SORCS1: variants seen among roughly 807,000 people sequenced by gnomAD.
The protein encoded by SORCS1 is VPS10 domain-containing receptor SorCS1.
In SORCS1, 60 loss-of-function variants were observed where a neutral mutation model predicts 146.1. The ratio of observed to expected loss-of-function variants is 0.41; its 90% CI spans 0.33 to 0.51. The LOEUF (loss-of-function observed/expected upper bound fraction) is 0.51, where lower values mean the gene tolerates loss of function less well. Among genes scored for constraint, SORCS1 ranks in the 20% least tolerant of loss-of-function variants. The pLI, the probability that SORCS1 is intolerant of heterozygous loss-of-function variation, is 0.21. For missense variants in SORCS1, 1,352 were observed against 1,487.6 expected, an observed-to-expected ratio of 0.91 and a Z score of 1.50; for synonymous variants, 637 against 584.0, an observed-to-expected ratio of 1.09 and a Z score of -1.31.
At chr10:106,637,446 G>A (rs1848795563) in intron 18 of SORCS1, among the ~76,000 whole-genome samples, 2 of 152,164 alleles carry the variant, frequency 1.3e-5, no homozygotes, top group Non-Finnish European at 2.9e-5. Context: ...ACGGAGTATT[G>A]TCAGTCTTCT....
At chr10:106,817,381 A>G (rs1947796028) in intron 3 of SORCS1, among the ~76,000 whole-genome samples, 1 of 152,206 alleles carries the variant, frequency 6.6e-6, no homozygotes, top group African/African-American at 2.4e-5. Context: ...AAAGTAGTAG[A>G]GAAAAAGATG....
intron 2 of SORCS1, among the ~76,000 whole-genome samples, chr10:106,834,137 GC>G: frequency 6.6e-6 from 1 of 152,282 alleles, no homozygotes; most frequent in East Asian, 1.9e-4. Context: ...CTGATTCACA[GC>G]TAAGAGATGC....
At chr10:106,776,899 A>G (rs1860477918) in intron 3 of SORCS1, among the ~76,000 whole-genome samples, 1 of 152,184 alleles carries the variant, frequency 6.6e-6, no homozygotes, top group Non-Finnish European at 1.5e-5. Flanking sequence ...TGAAGGGAGT[A>G]GGAGAAGCTG....
rs1955154288 is a variant in SORCS1, at chr10:106,960,193, A to T, written c.559-3613T>A. Among the ~76,000 whole-genome samples, 1 of 152,128 alleles carries T rather than the reference A, an allele frequency of 6.6e-6. No homozygotes were observed. The highest frequency in any genetic ancestry group is 1.5e-5 in the Non-Finnish European group (1 of 68,026). ...TATGACCCAAATTATCTAAGACTTG[A>T]TAACCTCCACCTATGCCATACCAGG... On this transcript the variant is annotated intron_variant, in intron 1 of 25. Coordinates refer to ENST00000263054, the MANE Select transcript of SORCS1 (RefSeq NM_052918.5). The surrounding 1 kb of genome is among the most constrained non-coding windows in gnomAD (Gnocchi z 4.4).
intron 18 of SORCS1, among the ~76,000 whole-genome samples, chr10:106,650,920 C>T (rs143304417): frequency 8.9e-4 from 136 of 151,992 alleles, no homozygotes; most frequent in African/African-American, 3.1e-3. Context: ...TAAATATATA[C>T]GCATATATTT....
chr10:106,675,681 C>A (rs760271346), intron 13 of SORCS1, among the ~76,000 whole-genome samples: 12 of 152,156 alleles, frequency 7.9e-5, no homozygotes, highest in African/African-American at 2.9e-4. Flanking sequence ...ATTCTTCAGT[C>A]CTGATGGTCA....
chr10:107,167,697 C>G (rs1055004564), upstream of SORCS1, among the ~76,000 whole-genome samples: 5 of 152,012 alleles, frequency 3.3e-5, no homozygotes, highest in Admixed American at 6.6e-5. Flanking sequence ...TAGTTTTAAT[C>G]AGAAAGATTA....
At chr10:106,679,401 G>T in intron 11 of SORCS1, 69 bp from the exon 12 acceptor site, 1 of 1,278,412 alleles carries the variant, frequency 7.8e-7, no homozygotes. Flanking sequence ...ATATTGGCAG[G>T]TGCACTGCCT....
In SORCS1 at chr10:106,974,597, A is replaced by T. The variant is rs75741260; in HGVS notation, c.559-18017T>A. Among the ~76,000 whole-genome samples the T allele has an allele frequency of 5.7e-3, 863 of 152,282 alleles. 13 individuals are homozygous for T. In the East Asian group the frequency reaches 0.065, roughly 12 times the overall value. ...CTCTAGAGGCTGTGGCCCCTGGATA[A>T]ATTGGCCCTAGACACCAGAAACCAA... On this transcript the variant is annotated intron_variant, in intron 1 of 25. Transcript: ENST00000263054.
chr10:106,838,480 G>GTGT (rs1349543911), intron 2 of SORCS1, among the ~76,000 whole-genome samples: 2 of 152,082 alleles, frequency 1.3e-5, no homozygotes, highest in Non-Finnish European at 2.9e-5. Flanking sequence ...TACATTCTTG[G>GTGT]TGTTATACAT....
chr10:106,691,072 A>G (rs565990637), intron 9 of SORCS1, among the ~76,000 whole-genome samples: 1 of 152,310 alleles, frequency 6.6e-6, no homozygotes, highest in Non-Finnish European at 1.5e-5. Flanking sequence ...CATGTAGTAT[A>G]TGTCTCTCTT....
Position 107,060,265 on chromosome 10 carries a change from A to G in SORCS1, c.559-103685T>C, listed in dbSNP as rs1274180926. Reference sequence around the variant, plus strand: ...GAATGTTTTATCCATCTGATTTTCAATCATTTATAACACATCCAATAATCT... The same window carrying G: ...GAATGTTTTATCCATCTGATTTTCAGTCATTTATAACACATCCAATAATCT... On this transcript the variant is annotated intron_variant, in intron 1 of 25. Coordinates refer to ENST00000263054, the MANE Select transcript of SORCS1 (RefSeq NM_052918.5). The surrounding 1 kb of genome is among the most constrained non-coding windows in gnomAD (Gnocchi z 4.1). Among the ~76,000 whole-genome samples the G allele has an allele frequency of 2.0e-5, 3 of 152,288 alleles. No homozygotes were observed. Among genetic ancestry groups the G allele is most frequent in the South Asian group, 2.1e-4 (1 of 4,822 alleles).
intron 3 of SORCS1, among the ~76,000 whole-genome samples, chr10:106,802,424 C>T (rs1254459568): frequency 2.0e-5 from 3 of 152,076 alleles, no homozygotes; most frequent in Admixed American, 6.5e-5. Context: ...CTCTGCCTCC[C>T]GGGTTCAAAC....
chr10:106,880,318 T>C (rs1950760683), intron 2 of SORCS1, among the ~76,000 whole-genome samples: 1 of 152,214 alleles, frequency 6.6e-6, no homozygotes, highest in Non-Finnish European at 1.5e-5. Flanking sequence ...AGACTAGCTT[T>C]GGTGCTAAAA....
At chr10:106,599,757 C>CTTTCTTTCTTTCTTTTTT (rs1846126789) in intron 23 of SORCS1, among the ~76,000 whole-genome samples, 1 of 151,376 alleles carries the variant, frequency 6.6e-6, no homozygotes, top group Non-Finnish European at 1.5e-5. Flanking sequence ...ATATTTCTTT[C>CTTTCTTTCTTTCTTTTTT]TTTCTTTCTT....
At chr10:107,174,341 G>A in the SORCS1 span, among the ~76,000 whole-genome samples, 1 of 152,044 alleles carries the variant, frequency 6.6e-6, no homozygotes, top group Admixed American at 6.6e-5. Context: ...GAGTAGCTGG[G>A]ACTACAGGCG....
chr10:106,947,849 A>C (rs369952649), intron 2 of SORCS1, among the ~76,000 whole-genome samples: 2 of 152,148 alleles, frequency 1.3e-5, no homozygotes, highest in Non-Finnish European at 2.9e-5. Context: ...AAAAAAAAAA[A>C]AGAGAAAAAG....
chr10:106,914,404 C>T (rs1448120316), intron 2 of SORCS1, among the ~76,000 whole-genome samples: 3 of 152,142 alleles, frequency 2.0e-5, no homozygotes, highest in Non-Finnish European at 4.4e-5. Flanking sequence ...AGCCACAAAA[C>T]ACTGTCTCTT....
chr10:107,064,284 T>C (rs1424321779), intron 1 of SORCS1, among the ~76,000 whole-genome samples: 2 of 152,194 alleles, frequency 1.3e-5, no homozygotes, highest in African/African-American at 4.8e-5. Flanking sequence ...GATTTATCCT[T>C]ATTTGTCCCG....
Sources: gnomAD v4.1 joint callset for allele counts (sites outside exome capture counted in the v4.1 genomes callset) on GRCh38, gnomAD v4.1.1 for gene constraint, Gnocchi (gnomAD v3.1) non-coding constraint, MANE v1.5 for transcripts, NCBI Gene and HGNC (gene_info 2026-07-23, HGNC 2026-07-21) for gene names.